ATP2C2: variants seen among roughly 807,000 people sequenced by gnomAD.
ATP2C2 encodes calcium-transporting ATPase type 2C member 2.
ATP2C2 carries 171 observed loss-of-function variants against 110.8 expected under a neutral mutation model. That is an observed-to-expected ratio of 1.54 (90% CI 1.36 to 1.75). ATP2C2 has a LOEUF of 1.75. Among genes scored for constraint, ATP2C2 ranks in the 40% most tolerant of loss-of-function variants. The probability of loss-of-function intolerance (pLI) is 0.00; values close to 1 mark genes in which losing one functional copy is unlikely to be tolerated. For missense variants in ATP2C2, 1,963 were observed against 1,235.0 expected (o/e 1.59, Z -8.84); for synonymous variants, 804 against 508.4 (o/e 1.58, Z -7.82).
At chr16:84,399,558 T>G (rs899511761) in intron 2 of ATP2C2, among the ~76,000 whole-genome samples, 14 of 152,336 alleles carry the variant, frequency 9.2e-5, no homozygotes, top group East Asian at 3.9e-4. Context: ...ATTTAACGAA[T>G]TTGTTTACAG....
intron 4 of ATP2C2, among the ~76,000 whole-genome samples, chr16:84,409,265 CAG>C (rs1478103485): frequency 6.6e-6 from 1 of 152,172 alleles, no homozygotes; most frequent in African/African-American, 2.4e-5. Flanking sequence ...CACATGGACA[CAG>C]GGTGGGGAAC....
intron 10 of ATP2C2, 62 bp downstream of exon 10, chr16:84,423,325 G>C (rs575030499): frequency 6.7e-7 from 1 of 1,489,384 alleles, no homozygotes; most frequent in Non-Finnish European, 9.4e-7. Flanking sequence ...ATCATAGGGG[G>C]GTTGCCATGG....
intron 2 of ATP2C2, among the ~76,000 whole-genome samples, chr16:84,398,828 G>A (rs1023797721): frequency 2.0e-5 from 3 of 152,112 alleles, no homozygotes; most frequent in East Asian, 1.9e-4. Flanking sequence ...ACCGGAAGAC[G>A]GCGTCCTTTG....
At chr16:84,414,935 C>G (rs1261718740) in intron 6 of ATP2C2, among the ~76,000 whole-genome samples, 1 of 152,034 alleles carries the variant, frequency 6.6e-6, no homozygotes, top group African/African-American at 2.4e-5. Flanking sequence ...GTTGAAGGGG[C>G]CAGGTCGGAG....
intron 17 of ATP2C2, among the ~76,000 whole-genome samples, chr16:84,451,066 A>G (rs775367688): frequency 6.6e-6 from 1 of 152,142 alleles, no homozygotes; most frequent in Non-Finnish European, 1.5e-5. Context: ...TAGGTAATTT[A>G]CAAAGAAAAA....
At chr16:84,456,425 C>G (rs962946248) in intron 21 of ATP2C2, among the ~76,000 whole-genome samples, 16 of 150,918 alleles carry the variant, frequency 1.1e-4, no homozygotes, top group Non-Finnish European at 2.1e-4. Flanking sequence ...CCTTTGAAAA[C>G]TGGCACAAGA....
intron 1 of ATP2C2, among the ~76,000 whole-genome samples, chr16:84,384,605 G>C (rs901223763): frequency 6.6e-6 from 1 of 152,172 alleles, no homozygotes; most frequent in African/African-American, 2.4e-5. Flanking sequence ...GACATGTTGA[G>C]ACTGTGTCAG....
At chr16:84,432,980 G>A (rs899451635) in intron 11 of ATP2C2, among the ~76,000 whole-genome samples, 2 of 152,286 alleles carry the variant, frequency 1.3e-5, no homozygotes, top group Non-Finnish European at 1.5e-5. Flanking sequence ...GCATTCTCAG[G>A]TGACTGAGCC....
intron 15 of ATP2C2, among the ~76,000 whole-genome samples, chr16:84,444,497 A>G (rs574967990): frequency 6.6e-6 from 1 of 152,262 alleles, no homozygotes; most frequent in African/African-American, 2.4e-5. Context: ...AAATCATGAC[A>G]TCGTATTATT....
At chr16:84,432,076 G>A (rs4782963) in intron 11 of ATP2C2, among the ~76,000 whole-genome samples, 29,595 of 151,890 alleles carry the variant, frequency 0.19, 3,185 homozygotes, top group East Asian at 0.48. Flanking sequence ...CCCCCAACTC[G>A]GGGCTGGGTG....
intron 6 of ATP2C2, among the ~76,000 whole-genome samples, chr16:84,414,783 T>A (rs1400054687): frequency 6.6e-6 from 1 of 152,088 alleles, no homozygotes; most frequent in Non-Finnish European, 1.5e-5. Context: ...AGATGGGAGC[T>A]GCAGGAGGCT....
chr16:84,398,709 T>A, intron 2 of ATP2C2, 100 bp downstream of exon 2: 1 of 869,848 alleles, frequency 1.1e-6, no homozygotes, highest in East Asian at 3.0e-5. Flanking sequence ...TTCTGTGTTA[T>A]TATCAATTTT....
At chr16:84,424,576 C>CCTTTTTTTTTT (rs1907634328) in intron 10 of ATP2C2, among the ~76,000 whole-genome samples, 1 of 114,870 alleles carries the variant, frequency 8.7e-6, no homozygotes, top group African/African-American at 4.0e-5. Flanking sequence ...CCGCACTGGG[C>CCTTTTTTTTTT]TTTTTTTTTT....
At chr16:84,431,667 C>G (rs1908293394) in intron 11 of ATP2C2, among the ~76,000 whole-genome samples, 1 of 151,916 alleles carries the variant, frequency 6.6e-6, no homozygotes, top group African/African-American at 2.4e-5. Flanking sequence ...TTGGGGGGGA[C>G]CACAGCTGAG....
chr16:84,425,122 C>T (rs942092704), intron 10 of ATP2C2, among the ~76,000 whole-genome samples: 2 of 152,194 alleles, frequency 1.3e-5, no homozygotes, highest in African/African-American at 4.8e-5. Flanking sequence ...CATCAGAAAA[C>T]ATCCCTGGCC....
At position 84,455,071 on chromosome 16, in the gene ATP2C2, G is replaced by GGC. The variant is rs948418834; in HGVS notation, c.2147+88_2147+89insCG. On this transcript the variant is annotated intron_variant, in intron 21 of 26. Coordinates refer to ENST00000262429, the MANE Select transcript of ATP2C2 (RefSeq NM_014861.4). Reference sequence around the variant, plus strand: ...TGGAACCTGCTACTGTGGAGATAGAGGGGGGGGTCTCGCGGAGTCCCCAGG... The same window carrying GGC: ...TGGAACCTGCTACTGTGGAGATAGAGGCGGGGGGGTCTCGCGGAGTCCCCAGG... The GGC allele has an allele frequency of 9.2e-5, 127 of 1,376,236 alleles. 3 individuals are homozygous for GGC. The highest frequency in any genetic ancestry group is 7.9e-4 in the Admixed American group (31 of 39,090). 85.3% of individuals were successfully genotyped at this position (1,376,236 alleles called of 1,614,324 possible). A position where few individuals can be genotyped will look rare whatever the true frequency, so the allele number is the denominator to read the frequency against.
chr16:84,455,012 G>C (rs1255295547), intron 21 of ATP2C2, 28 bp downstream of exon 21: 1 of 1,603,370 alleles, frequency 6.2e-7, no homozygotes, highest in Non-Finnish European at 8.5e-7. Context: ...TTGTTTTTCA[G>C]TTGCAAAAAT....
chr16:84,368,539 G>A lies in ATP2C2; in HGVS notation c.-77G>A. 1 of 1,181,206 alleles carries A rather than the reference G, an allele frequency of 8.5e-7. No homozygotes were observed. Among genetic ancestry groups the A allele is most frequent in the Non-Finnish European group, 1.2e-6 (1 of 834,908 alleles). 73.2% of individuals were successfully genotyped at this position (1,181,206 alleles called of 1,614,324 possible). A position where few individuals can be genotyped will look rare whatever the true frequency, so the allele number is the denominator to read the frequency against. ...CTACCTGGTAACCGGGTCCGGCCCA[G>A]GAGGCTTGGGCGCGCGCAGCCATCC... On this transcript the variant is annotated 5_prime_UTR_variant, in exon 1 of 27. Transcript: ENST00000262429.
At chr16:84,382,126 C>A (rs899787109) in intron 1 of ATP2C2, among the ~76,000 whole-genome samples, 13 of 152,136 alleles carry the variant, frequency 8.5e-5, no homozygotes, top group African/African-American at 3.1e-4. Flanking sequence ...CTAATGCTAT[C>A]CCTCCCCTCT....
Sources: allele counts gnomAD v4.1 joint callset (sites outside exome capture counted in the v4.1 genomes callset), GRCh38; gene constraint gnomAD v4.1.1; transcripts MANE v1.5; gene names NCBI Gene and HGNC (gene_info 2026-07-23, HGNC 2026-07-21).